Variants in LMX1A observed in about 807,000 individuals in gnomAD.
LMX1A encodes the protein LIM homeobox transcription factor 1 alpha, also known as LIM homeobox transcription factor 1-alpha.
LMX1A carries 15 observed loss-of-function variants against 49.1 expected under a neutral mutation model. The ratio of observed to expected loss-of-function variants is 0.31; its 90% CI spans 0.20 to 0.47. The LOEUF is 0.47. LMX1A is among the 20% of genes least tolerant of loss of function. The pLI, the probability that LMX1A is intolerant of heterozygous loss-of-function variation, is 1.00. For synonymous variants in LMX1A, 167 were observed against 185.7 expected (o/e 0.90, Z 0.82); for missense variants, 372 against 475.8 (o/e 0.78, Z 2.03).
chr1:165,258,143 G>A (rs74118532), intron 3 of LMX1A, among the ~76,000 whole-genome samples: 10,559 of 152,280 alleles, frequency 0.069, 415 homozygotes, highest in Middle Eastern at 0.088. Flanking sequence ...CATTCATTCA[G>A]TGCCATGTTG....
At chr1:165,214,675 G>A (rs1472674540) in intron 4 of LMX1A, among the ~76,000 whole-genome samples, 1 of 152,128 alleles carries the variant, frequency 6.6e-6, no homozygotes, top group Non-Finnish European at 1.5e-5. Context: ...CTGCCAAGTG[G>A]TAGAAAATAT....
intron 5 of LMX1A, among the ~76,000 whole-genome samples, chr1:165,211,496 G>C (rs1325133514): frequency 6.6e-6 from 1 of 152,200 alleles, no homozygotes; most frequent in Non-Finnish European, 1.5e-5. Flanking sequence ...AAGAAGCACA[G>C]ATTTTCAGAG....
At chr1:165,271,807 T>C (rs1289488435) in intron 3 of LMX1A, among the ~76,000 whole-genome samples, 2 of 151,174 alleles carry the variant, frequency 1.3e-5, no homozygotes, top group Non-Finnish European at 3.0e-5. Context: ...GGGAAGGATT[T>C]AGGTTGGTGG....
chr1:165,245,707 G>A (rs188425841), intron 4 of LMX1A, among the ~76,000 whole-genome samples: 160 of 151,186 alleles, frequency 1.1e-3, no homozygotes, highest in African/African-American at 3.7e-3. Context: ...ATGTCTTTTT[G>A]GCTCCTATTG....
chr1:165,326,146 C>T (rs533354650), intron 3 of LMX1A, among the ~76,000 whole-genome samples: 1 of 152,138 alleles, frequency 6.6e-6, no homozygotes, highest in Admixed American at 6.5e-5. Flanking sequence ...TTCCAATAGG[C>T]ATGAGAAGGC....
chr1:165,212,135 T>G (rs555701916), intron 5 of LMX1A, among the ~76,000 whole-genome samples: 1 of 152,354 alleles, frequency 6.6e-6, no homozygotes, highest in East Asian at 1.9e-4. Flanking sequence ...AGCTGAATCT[T>G]TCCAAATATC....
chr1:165,244,964 T>C (rs1557234), intron 4 of LMX1A, among the ~76,000 whole-genome samples: 151,916 of 152,158 alleles, frequency 1, 75,837 homozygotes, highest in Middle Eastern at 1. Flanking sequence ...AAAGGCTGGG[T>C]CACACCAGAA....
intron 3 of LMX1A, among the ~76,000 whole-genome samples, chr1:165,262,211 T>C (rs61800556): frequency 0.079 from 12,075 of 152,210 alleles, 549 homozygotes; most frequent in East Asian, 0.16. Flanking sequence ...ATGGATTCTA[T>C]TGGTGAGGAA....
chr1:165,305,298 G>T (rs1288659476), intron 3 of LMX1A, among the ~76,000 whole-genome samples: 1 of 152,314 alleles, frequency 6.6e-6, no homozygotes, highest in South Asian at 2.1e-4. Context: ...GGATCCTGGA[G>T]AAAGGGCCCC....
intron 3 of LMX1A, among the ~76,000 whole-genome samples, chr1:165,290,760 C>T (rs1654445610): frequency 6.6e-6 from 1 of 152,182 alleles, no homozygotes; most frequent in African/African-American, 2.4e-5. Flanking sequence ...ATGCGGTTCT[C>T]AAAGTGTAGT....
intron 4 of LMX1A, among the ~76,000 whole-genome samples, chr1:165,231,782 TCTAAAAAAAA>T (rs1652248932): frequency 1.9e-5 from 2 of 104,032 alleles, no homozygotes; most frequent in Admixed American, 2.0e-4. Context: ...TTTTACCTGT[TCTAAAAAAAA>T]ATCTAAATTC....
rs370376960 is a variant in LMX1A at position 165,252,328 on chromosome 1, C to T, written c.264-2688G>A. 1.2e-3 allele frequency among the ~76,000 whole-genome samples: 181 copies of T among 152,344 alleles called. 1 individual carries two copies. The South Asian group carries it at 0.02, about 17-fold the overall frequency. ...ATAGATATCCAATAAAGATGTCTCT[C>T]TTCTCTTCCTTGTCACTCCAGAGAA... is the stretch of plus-strand genomic sequence containing the variant. On this transcript the variant is annotated intron_variant, in intron 3 of 8. Coordinates refer to ENST00000342310, the MANE Select transcript of LMX1A (RefSeq NM_177398.4).
intron 4 of LMX1A, among the ~76,000 whole-genome samples, chr1:165,224,001 T>C (rs757195468): frequency 3.9e-5 from 6 of 152,182 alleles, no homozygotes; most frequent in Non-Finnish European, 8.8e-5. Flanking sequence ...TCATGTTGAA[T>C]TGTAATCCCC....
At chr1:165,280,612 A>G (rs1470436906) in intron 3 of LMX1A, among the ~76,000 whole-genome samples, 1 of 152,222 alleles carries the variant, frequency 6.6e-6, no homozygotes, top group Non-Finnish European at 1.5e-5. Context: ...AATAGTTATC[A>G]TTAGTGCTAT....
chr1:165,221,442 C>T (rs772414088), intron 4 of LMX1A, among the ~76,000 whole-genome samples: 12 of 152,124 alleles, frequency 7.9e-5, no homozygotes, highest in Non-Finnish European at 7.3e-5. Flanking sequence ...CCCACCAGGG[C>T]GAATGCAAGG....
Position 165,315,083 on chromosome 1 carries a change from T to C in LMX1A, c.263+37993A>G, listed in dbSNP as rs1423169926. Among the ~76,000 whole-genome samples the C allele has an allele frequency of 2.6e-5, 4 of 152,198 alleles. No individual in the cohort carries two copies. The East Asian group carries it at 7.7e-4, about 29-fold the overall frequency. ...TGCACTGCTTGTCTCTCTTGACATG[T>C]TCAGCAAGGCACGTCTTATCAATTA... On this transcript the variant is annotated intron_variant, in intron 3 of 8. Transcript: ENST00000342310.
intron 3 of LMX1A, among the ~76,000 whole-genome samples, chr1:165,336,383 C>T (rs1386990191): frequency 6.6e-6 from 1 of 152,182 alleles, no homozygotes; most frequent in African/African-American, 2.4e-5. Context: ...TCTAGGGACC[C>T]TCTTCCCCAG....
At chr1:165,334,016 A>G (rs563890542) in intron 3 of LMX1A, among the ~76,000 whole-genome samples, 1 of 152,350 alleles carries the variant, frequency 6.6e-6, no homozygotes, top group Non-Finnish European at 1.5e-5. Flanking sequence ...AGAAGTGAAT[A>G]AATTCAAGCT....
Position 165,280,888 on chromosome 1 carries a change from T to C in LMX1A, c.264-31248A>G, listed in dbSNP as rs181015669. Among the ~76,000 whole-genome samples, 582 of 152,254 alleles carry C rather than the reference T, an allele frequency of 3.8e-3. 4 individuals carry two copies. The highest frequency in any genetic ancestry group is 0.011 in the Admixed American group (165 of 15,294). ...CTCAAATTCCCCAGGATCTGTGCAT[T>C]GGATAGGGCCTTCGTAACAGTCAAT... On this transcript the variant is annotated intron_variant, in intron 3 of 8. Coordinates refer to ENST00000342310, the MANE Select transcript of LMX1A (RefSeq NM_177398.4).
Sources: gnomAD v4.1 joint callset for allele counts (sites outside exome capture counted in the v4.1 genomes callset) on GRCh38, gnomAD v4.1.1 for gene constraint, MANE v1.5 for transcripts, NCBI Gene and HGNC (gene_info 2026-07-23, HGNC 2026-07-21) for gene names.